GLIS3: variants seen among roughly 807,000 people sequenced by gnomAD.
GLIS3 encodes zinc finger protein GLIS3.
Under a neutral mutation model 78.6 loss-of-function variants are expected in GLIS3, and 53 were observed. The observed-to-expected ratio is 0.67, with a 90% CI of 0.54 to 0.85. The LOEUF (loss-of-function observed/expected upper bound fraction) is 0.85, where lower values mean the gene tolerates loss of function less well. Ranked by LOEUF, GLIS3 falls within the 40% of genes least tolerant of loss-of-function variation. The pLI is 0.00. For synonymous variants in GLIS3, 684 were observed against 509.9 expected, an observed-to-expected ratio of 1.34 and a Z score of -4.60; for missense variants, 1,703 against 1,231.1, an observed-to-expected ratio of 1.38 and a Z score of -5.74.
intron 2 of GLIS3, among the ~76,000 whole-genome samples, chr9:4,219,667 T>C (rs907177823): frequency 6.6e-6 from 1 of 152,194 alleles, no homozygotes; most frequent in Non-Finnish European, 1.5e-5. Context: ...GCGGTCACTA[T>C]TCTGAGCATC....
chr9:4,073,118 A>T (rs1052644007), intron 4 of GLIS3, among the ~76,000 whole-genome samples: 2 of 152,164 alleles, frequency 1.3e-5, no homozygotes, highest in African/African-American at 4.8e-5. Flanking sequence ...TAACCTTGCA[A>T]CCGATACATT....
chr9:4,064,946 G>A (rs755776464), intron 4 of GLIS3, among the ~76,000 whole-genome samples: 16 of 152,248 alleles, frequency 1.1e-4, no homozygotes, highest in Admixed American at 2.0e-4. Context: ...GATGTGACTG[G>A]AGCACCACCA....
At chr9:4,196,512 C>A (rs1470132872) in intron 2 of GLIS3, among the ~76,000 whole-genome samples, 1 of 152,188 alleles carries the variant, frequency 6.6e-6, no homozygotes, top group Non-Finnish European at 1.5e-5. Context: ...CCATAAAGTT[C>A]TGCAGCTTCA....
At chr9:3,960,602 T>A (rs1052486673) in intron 4 of GLIS3, among the ~76,000 whole-genome samples, 1 of 152,212 alleles carries the variant, frequency 6.6e-6, no homozygotes, top group Non-Finnish European at 1.5e-5. Flanking sequence ...GTATGTTGAA[T>A]AAATTAATGA....
chr9:4,178,601 G>C (rs182692745), intron 2 of GLIS3, among the ~76,000 whole-genome samples: 1 of 152,170 alleles, frequency 6.6e-6, no homozygotes, highest in South Asian at 2.1e-4. Flanking sequence ...TTCCAAACAC[G>C]CAAGTGCAAA....
intron 4 of GLIS3, among the ~76,000 whole-genome samples, chr9:4,062,995 T>C (rs1393003678): frequency 6.6e-6 from 1 of 152,058 alleles, no homozygotes; most frequent in Non-Finnish European, 1.5e-5. Flanking sequence ...CAAATTCTTA[T>C]TGCTGTTATA....
At chr9:4,189,049 T>C (rs1218037803) in intron 2 of GLIS3, among the ~76,000 whole-genome samples, 2 of 152,086 alleles carry the variant, frequency 1.3e-5, no homozygotes, top group Non-Finnish European at 2.9e-5. Flanking sequence ...CTTTTGGATG[T>C]GTTTGCTCTT....
the GLIS3 span, among the ~76,000 whole-genome samples, chr9:4,444,971 A>C: frequency 2.6e-5 from 4 of 152,338 alleles, no homozygotes; most frequent in East Asian, 7.7e-4. Context: ...TTTTTTTCAC[A>C]TGGAACCTCT....
At chr9:3,868,702 C>G (rs1820769687) in intron 8 of GLIS3, among the ~76,000 whole-genome samples, 1 of 152,142 alleles carries the variant, frequency 6.6e-6, no homozygotes, top group Non-Finnish European at 1.5e-5. Context: ...TGGCCCAACA[C>G]ACAACTTCTT....
chr9:3,958,762 T>C (rs1358289677), intron 4 of GLIS3, among the ~76,000 whole-genome samples: 2 of 152,168 alleles, frequency 1.3e-5, no homozygotes, highest in Non-Finnish European at 2.9e-5. Context: ...ACAGAGACTG[T>C]AAATCTGGGA....
chr9:4,422,993 G>C, the GLIS3 span, among the ~76,000 whole-genome samples: 3 of 152,130 alleles, frequency 2.0e-5, no homozygotes, highest in African/African-American at 7.2e-5. Flanking sequence ...AGTCAAAAGA[G>C]AAAATTAGGT....
chr9:4,467,038 C>G, the GLIS3 span, among the ~76,000 whole-genome samples: 2 of 152,212 alleles, frequency 1.3e-5, no homozygotes, highest in Non-Finnish European at 2.9e-5. Context: ...TCACTGCTAG[C>G]ACAGCAGTTT....
At chr9:3,932,748 AT>A in intron 5 of GLIS3, 2 of 434,132 alleles carry the variant, frequency 4.6e-6, no homozygotes, top group Admixed American at 3.2e-5. Context: ...CTCTTGGGGC[AT>A]TTTTTAATGT....
intron 2 of GLIS3, among the ~76,000 whole-genome samples, chr9:4,170,202 C>T (rs1040394026): frequency 5.3e-5 from 8 of 152,092 alleles, no homozygotes; most frequent in South Asian, 2.1e-4. Flanking sequence ...CTTGAAAATA[C>T]GAGTTTCAAA....
chr9:4,279,145 C>G (rs10814912), intron 2 of GLIS3, among the ~76,000 whole-genome samples: 1 of 151,064 alleles, frequency 6.6e-6, no homozygotes, highest in Non-Finnish European at 1.5e-5. Context: ...AATAAAAATA[C>G]AAAAGTTTCC....
intron 4 of GLIS3, among the ~76,000 whole-genome samples, chr9:4,029,824 T>C (rs1172324673): frequency 6.6e-6 from 1 of 152,228 alleles, no homozygotes; most frequent in South Asian, 2.1e-4. Context: ...ATATACCACA[T>C]TTTTTAATCC....
At position 4,099,318 on chromosome 9, in the gene GLIS3, G is replaced by A. The variant is rs180950987; in HGVS notation, c.1710+18450C>T. 2.0e-3 allele frequency among the ~76,000 whole-genome samples: 308 copies of A among 152,234 alleles called. 3 individuals are homozygous for A. Among genetic ancestry groups the A allele is most frequent in the Non-Finnish European group, 3.3e-3 (227 of 68,008 alleles). On this transcript the variant is annotated intron_variant, in intron 4 of 10. Transcript: ENST00000381971. ...GGTCTGAGGGCTCTGAAGGAGAATC[G>A]GTTCTATGCCTCTCTGCTAGTTTCT...
At chr9:4,140,801 T>TC (rs1554713745) in intron 2 of GLIS3, among the ~76,000 whole-genome samples, 138 of 6,364 alleles carry the variant, frequency 0.022, 4 homozygotes, top group South Asian at 0.073. Flanking sequence ...TTTGAATTTA[T>TC]CTTTTTTTTT....
the GLIS3 span, among the ~76,000 whole-genome samples, chr9:4,420,413 T>G: frequency 1.3e-5 from 2 of 152,236 alleles, no homozygotes; most frequent in Admixed American, 1.3e-4. Context: ...TAGATGATTA[T>G]CTAGCTAGAC....
Sources: gnomAD v4.1 joint callset for allele counts (sites outside exome capture counted in the v4.1 genomes callset) on GRCh38, gnomAD v4.1.1 for gene constraint, MANE v1.5 for transcripts, NCBI Gene and HGNC (gene_info 2026-07-23, HGNC 2026-07-21) for gene names.